ADAM11: variants seen among roughly 807,000 people sequenced by gnomAD.
The protein encoded by ADAM11 is disintegrin and metalloproteinase domain-containing protein 11.
ADAM11 carries 49 observed loss-of-function variants against 119.1 expected under a neutral mutation model. The observed-to-expected ratio is 0.41, with a 90% CI of 0.33 to 0.52. The LOEUF is 0.52. ADAM11 is among the 20% of genes least tolerant of loss of function. ADAM11 has a pLI of 0.20. For missense variants in ADAM11, 777 were observed against 1,047.5 expected (o/e 0.74, Z 3.56); for synonymous variants, 364 against 408.0 (o/e 0.89, Z 1.30).
At position 44,772,764 on chromosome 17, in the gene ADAM11, AC is replaced by A. The variant is rs925169314; in HGVS notation, c.679-86del. 39 of 1,148,324 alleles carry A rather than the reference AC, an allele frequency of 3.4e-5. No homozygotes were observed. The highest frequency in any genetic ancestry group is 1.7e-4 in the South Asian group (12 of 72,320). 71.1% of individuals were successfully genotyped at this position (1,148,324 alleles called of 1,614,324 possible). On this transcript the variant is annotated intron_variant, in intron 8 of 26. Coordinates refer to ENST00000200557, the MANE Select transcript of ADAM11 (RefSeq NM_002390.6). The surrounding 1 kb of genome is among the most constrained non-coding windows in gnomAD (Gnocchi z 4.5). ...GGCACTGTCCCTGGCTGGAGTCCAG[AC>A]CCCCCCATCCCCACCGAGTCTGTTC...
At position 44,778,058 on chromosome 17, in the gene ADAM11, G is replaced by C; in HGVS notation, c.2177G>C (p.Arg726Thr). Residue 726 changes from arginine (R) to threonine (T), a missense_variant, in exon 24 of 27, where the codon AGA becomes ACA. Coordinates refer to ENST00000200557, the MANE Select transcript of ADAM11 (RefSeq NM_002390.6). ...PTSPPTGETE[R>T]YKGPSGTNII... is the part of the protein sequence containing the mutation. Reference sequence around the variant, plus strand: ...TCCCCACCCACGGGGGAGACGGAGAGATATAAAGGTGAGGCTGGAGCTGGC... The same window carrying C: ...TCCCCACCCACGGGGGAGACGGAGACATATAAAGGTGAGGCTGGAGCTGGC... 1 of 1,612,942 alleles carries C rather than the reference G, an allele frequency of 6.2e-7. No homozygotes were observed. Among genetic ancestry groups the C allele is most frequent in the Non-Finnish European group, 8.5e-7 (1 of 1,179,310 alleles).
At chr17:44,764,847 C>T (rs727464) in intron 2 of ADAM11, among the ~76,000 whole-genome samples, 31,650 of 152,060 alleles carry the variant, frequency 0.21, 3,594 homozygotes, top group Non-Finnish European at 0.26. Context: ...CTCTGAGTGT[C>T]CGGACAGGGT....
Position 44,775,787 on chromosome 17 carries a change from C to G in ADAM11, c.1485+111C>G. The G allele has an allele frequency of 8.8e-7, 1 of 1,142,738 alleles. No individual in the cohort carries two copies. The highest frequency in any genetic ancestry group is 1.5e-5 in the African/African-American group (1 of 64,584). The allele number at this position is 1,142,738 out of a possible 1,614,324, so 70.8% of individuals were successfully genotyped here. A position where few individuals can be genotyped will look rare whatever the true frequency, so the allele number is the denominator to read the frequency against. ...AAGCGGAGCCTTCGGGGACGAAGGC[C>G]TCTGGGGCAGGGCTTGATGCGAAGA... On this transcript the variant is annotated intron_variant, in intron 17 of 26. Coordinates refer to ENST00000200557, the MANE Select transcript of ADAM11 (RefSeq NM_002390.6). This position sits in a 1 kb window ranked among gnomAD's most constrained non-coding sequence, Gnocchi z 7.5.
intron 2 of ADAM11, among the ~76,000 whole-genome samples, chr17:44,769,468 GC>G (rs2049490112): frequency 6.6e-6 from 1 of 152,222 alleles, no homozygotes; most frequent in Non-Finnish European, 1.5e-5. Flanking sequence ...ATGCACAGGT[GC>G]CCGGGCCCAG....
At chr17:44,769,481 G>A (rs534638120) in intron 2 of ADAM11, among the ~76,000 whole-genome samples, 7 of 152,368 alleles carry the variant, frequency 4.6e-5, no homozygotes, top group East Asian at 1.9e-4. Flanking sequence ...CGGGCCCAGA[G>A]GGCAGAAAGG....
intron 2 of ADAM11, among the ~76,000 whole-genome samples, chr17:44,760,989 G>T (rs2049381982): frequency 6.6e-6 from 1 of 151,556 alleles, no homozygotes; most frequent in South Asian, 2.1e-4. Flanking sequence ...AGAGGGGCAG[G>T]GGGAGGGGGC....
Position 44,769,705 on chromosome 17 carries a change from TC to T in ADAM11, c.238-7del, listed in dbSNP as rs752068676. 5.4e-5 allele frequency: 64 copies of T among 1,191,022 alleles called. No homozygotes were observed. Among genetic ancestry groups the T allele is most frequent in the Non-Finnish European group, 7.9e-5 (63 of 795,858 alleles). The allele number at this position is 1,191,022 out of a possible 1,614,324, so 73.8% of individuals were successfully genotyped here. The stretch of plus-strand genomic sequence containing the variant: ...CCCTGGGTTGACTCCCCCTCTGCCC[TC>T]CCCCCACCCAGCCTGTCCATCTGGC... On this transcript the variant is annotated splice_polypyrimidine_tract_variant and intron_variant, in intron 2 of 26. Transcript: ENST00000200557.
Position 44,777,031 on chromosome 17 carries a change from T to A in ADAM11, c.1681+69T>A, listed in dbSNP as rs2049612666. 1 of 1,569,426 alleles carries A rather than the reference T, an allele frequency of 6.4e-7. No individual in the cohort carries two copies. The highest frequency in any genetic ancestry group is 1.7e-5 in the Admixed American group (1 of 57,192). ...GAGCTGAGAAGCTGGGGAGAGTGGG[T>A]TCCAGCTGAACAGGCCCCCAAGTGT... On this transcript the variant is annotated intron_variant, in intron 20 of 26. Transcript: ENST00000200557. The surrounding 1 kb of genome is among the most constrained non-coding windows in gnomAD (Gnocchi z 5.1).
At chr17:44,763,989 T>G (rs2049418636) in intron 2 of ADAM11, among the ~76,000 whole-genome samples, 1 of 152,220 alleles carries the variant, frequency 6.6e-6, no homozygotes, top group South Asian at 2.1e-4. Context: ...AGTGCTGGAA[T>G]TACAGGTGTG....
In ADAM11 at chr17:44,774,759, TG is replaced by T; in HGVS notation, c.1220+14del. On this transcript the variant is annotated intron_variant, in intron 14 of 26. Transcript: ENST00000200557. ...TCATGGAGGACACTGGGTGAGTTCT[TG>T]GGGACAAACCGGGGGAAGGTCTTGG... The T allele has an allele frequency of 1.3e-6, 2 of 1,591,048 alleles. No homozygotes were observed. Among genetic ancestry groups the T allele is most frequent in the Admixed American group, 3.9e-5 (2 of 50,946 alleles).
At chr17:44,774,778 G>A (rs749446169) in intron 14 of ADAM11, 29 bp downstream of exon 14, 27 of 1,587,648 alleles carry the variant, frequency 1.7e-5, no homozygotes, top group Non-Finnish European at 2.3e-5. Flanking sequence ...ACCGGGGGAA[G>A]GTCTTGGGCG....
intron 12 of ADAM11, 50 bp from the exon 13 acceptor site, chr17:44,774,442 G>A (rs764005070): frequency 1.9e-6 from 3 of 1,596,384 alleles, no homozygotes; most frequent in South Asian, 1.1e-5. Context: ...GGGGCACGAC[G>A]TGCCTGTTGG....
chr17:44,774,670 C>T, intron 13 of ADAM11, 28 bp from the exon 14 acceptor site: 1 of 1,592,018 alleles, frequency 6.3e-7, no homozygotes, highest in Non-Finnish European at 8.6e-7. Context: ...CCTTGGCCTC[C>T]CTCATATCCG....
chr17:44,779,160 G>A, intron 25 of ADAM11, 62 bp from the exon 26 acceptor site: 1 of 1,562,620 alleles, frequency 6.4e-7, no homozygotes. Flanking sequence ...GCCCCTCCCT[G>A]AGAGAAGCAA....
In ADAM11 at chr17:44,769,995, T is replaced by G. The variant is rs1363047465; in HGVS notation, c.328T>G (p.Ser110Ala). 12 of 1,614,030 alleles carry G rather than the reference T, an allele frequency of 7.4e-6. No individual in the cohort carries two copies. In the South Asian group the frequency reaches 1.3e-4, roughly 18 times the overall value. The change falls in exon 4 of 27, where the codon TCG becomes GCG. Residue 110 changes from serine (S) to alanine (A), a missense_variant. By Grantham distance (99) the Ser-to-Ala change is moderately conservative. This residue lies in a region of ADAM11 where 278 missense variants were observed against 310.1 expected (regional missense o/e 0.90). Coordinates refer to ENST00000200557, the MANE Select transcript of ADAM11 (RefSeq NM_002390.6). ...DLELNHHLLS[S>A]QYVERHFSRE... ...CCTCTGTCTCAGCCACCTCCTCTCC[T>G]CGCAATACGTGGAGCGCCACTTCAG...
Position 44,779,887 on chromosome 17 carries a change from C to T in ADAM11, c.*133C>T, listed in dbSNP as rs1163521320. On this transcript the variant is annotated 3_prime_UTR_variant, in exon 27 of 27. Transcript: ENST00000200557. ...CCAAACCCTTCAACTCCTGGCTCCG[C>T]AGGGGTTTGGGTGGGGGCTGTGGCC... 1 of 1,332,248 alleles carries T rather than the reference C, an allele frequency of 7.5e-7. No homozygotes were observed. The highest frequency in any genetic ancestry group is 1.9e-5 in the Admixed American group (1 of 53,302). The allele number at this position is 1,332,248 out of a possible 1,614,324, so 82.5% of individuals were successfully genotyped here. A position where few individuals can be genotyped will look rare whatever the true frequency, so the allele number is the denominator to read the frequency against.
rs2049688870 is a variant in ADAM11, at chr17:44,781,142, C to T, written c.*1388C>T. On this transcript the variant is annotated 3_prime_UTR_variant, in exon 27 of 27. Transcript: ENST00000200557. Reference sequence around the variant, plus strand: ...CTTGTCACCAGGGTTGCCCTGCCCTCACTCGGCAGGGAGTTCTGACACCCC... The same window carrying T: ...CTTGTCACCAGGGTTGCCCTGCCCTTACTCGGCAGGGAGTTCTGACACCCC... 6.6e-6 allele frequency: 1 copy of T among 152,276 alleles called. No individual in the cohort carries two copies. The highest frequency in any genetic ancestry group is 1.5e-5 in the Non-Finnish European group (1 of 68,062). The allele number at this position is 152,276 out of a possible 1,614,324, so 9.4% of individuals were successfully genotyped here. A position where few individuals can be genotyped will look rare whatever the true frequency, so the allele number is the denominator to read the frequency against.
intron 25 of ADAM11, 58 bp from the exon 26 acceptor site, chr17:44,779,164 G>A (rs1369044657): frequency 6.4e-7 from 1 of 1,564,412 alleles, no homozygotes; most frequent in African/African-American, 1.4e-5. Flanking sequence ...CTCCCTGAGA[G>A]AAGCAAAAGG....
At position 44,775,567 on chromosome 17, in the gene ADAM11, CCT is replaced by C. The variant is rs780855947; in HGVS notation, c.1393-15_1393-14del. ...TAGGGCTCGCCCGCCTCCTTCCCCT[CCT>C]CCCGCGTCCCTCAGGAGTGCAGCCG... On this transcript the variant is annotated splice_polypyrimidine_tract_variant and intron_variant, in intron 16 of 26. Transcript: ENST00000200557. The surrounding 1 kb of genome is among the most constrained non-coding windows in gnomAD (Gnocchi z 7.5). 1 of 1,561,896 alleles carries C rather than the reference CCT, an allele frequency of 6.4e-7. No individual in the cohort carries two copies. The highest frequency in any genetic ancestry group is 8.7e-7 in the Non-Finnish European group (1 of 1,155,880).
Sources: gnomAD v4.1 joint callset for allele counts (sites outside exome capture counted in the v4.1 genomes callset) on GRCh38, gnomAD v4.1.1 for gene constraint, gnomAD v4.1.1 regional missense constraint, Gnocchi (gnomAD v3.1) non-coding constraint, MANE v1.5 for transcripts, NCBI Gene and HGNC (gene_info 2026-07-23, HGNC 2026-07-21) for gene names.